The following HADHB variants were observed in gnomAD, a reference collection of about 807,000 sequenced individuals.
HADHB encodes the protein hydroxyacyl-CoA dehydrogenase trifunctional multienzyme complex subunit beta.
Under a neutral mutation model 61.9 loss-of-function variants are expected in HADHB, and 50 were observed. The observed-to-expected ratio is 0.81, with a 90% CI of 0.64 to 1.02. The LOEUF (loss-of-function observed/expected upper bound fraction) is 1.02. HADHB is among the 50% of genes least tolerant of loss of function. HADHB has a pLI of 0.00. For missense variants in HADHB, 504 were observed against 586.5 expected (o/e 0.86, Z 1.45); for synonymous variants, 191 against 201.6 (o/e 0.95, Z 0.45).
chr2:26,270,040 G>T, intron 5 of HADHB, 43 bp downstream of exon 5: 11 of 1,317,910 alleles, frequency 8.3e-6, no homozygotes, highest in Non-Finnish European at 1.2e-5. Context: ...TTCATTAAAG[G>T]CACTTTCTCC....
chr2:26,260,051 A>G (rs572407504), intron 3 of HADHB, among the ~76,000 whole-genome samples: 43 of 152,008 alleles, frequency 2.8e-4, no homozygotes, highest in African/African-American at 8.4e-4. Flanking sequence ...CTGAAAGTAT[A>G]TAAAAGGAAT....
At chr2:26,289,664 T>C in intron 15 of HADHB, among the ~76,000 whole-genome samples, 1 of 152,180 alleles carries the variant, frequency 6.6e-6, no homozygotes. Flanking sequence ...TGTATATATA[T>C]ACACACATAT....
At chr2:26,245,047 T>G (rs1671067568) in intron 1 of HADHB, 57 bp downstream of exon 1, 1 of 209,648 alleles carries the variant, frequency 4.8e-6, no homozygotes, top group Non-Finnish European at 1.0e-5. Flanking sequence ...GAGATTCCAC[T>G]TCCTTCCCCG....
Position 26,277,137 on chromosome 2 carries a change from C to T in HADHB, c.419C>T (p.Ser140Phe). The change falls in exon 7 of 16, where the codon TCT (serine) becomes TTT (phenylalanine). Residue 140 changes from serine (S) to phenylalanine (F), a missense_variant. By Grantham distance (155) the Ser-to-Phe change is radical. Transcript: ENST00000317799. ...PAHTVTMACISANQAMTTGVG... is the reference protein window; with the variant it reads ...PAHTVTMACIFANQAMTTGVG... Reference sequence around the variant, plus strand: ...CACACTGTCACCATGGCTTGTATCTCTGCCAACCAAGCCATGACCACAGGT... The same window carrying T: ...CACACTGTCACCATGGCTTGTATCTTTGCCAACCAAGCCATGACCACAGGT... 6.3e-7 allele frequency: 1 copy of T among 1,589,756 alleles called. No individual in the cohort carries two copies. Among genetic ancestry groups the T allele is most frequent in the Non-Finnish European group, 8.6e-7 (1 of 1,158,078 alleles).
chr2:26,261,203 A>C (rs1287631214), intron 3 of HADHB: 5 of 450,186 alleles, frequency 1.1e-5, no homozygotes, highest in South Asian at 8.1e-5. Flanking sequence ...CAACAACAAC[A>C]CAACAAATAC....
intron 6 of HADHB, among the ~76,000 whole-genome samples, chr2:26,274,645 T>A (rs1175585223): frequency 6.6e-6 from 1 of 152,236 alleles, no homozygotes; most frequent in Non-Finnish European, 1.5e-5. Flanking sequence ...TTTATTTCCC[T>A]TCTGAAATTT....
chr2:26,265,751 G>A (rs972661562), intron 4 of HADHB, among the ~76,000 whole-genome samples: 3 of 152,136 alleles, frequency 2.0e-5, no homozygotes, highest in Admixed American at 2.0e-4. Context: ...GTTGTGTATT[G>A]TGTTTTAGTT....
chr2:26,285,429 A>G lies in HADHB; in HGVS notation c.1247A>G (p.Lys416Arg). Residue 416 changes from lysine (K) to arginine (R), a missense_variant, in exon 15 of 16, where the codon AAG becomes AGG. By Grantham distance (26) the Lys-to-Arg change is conservative. Coordinates refer to ENST00000317799, the MANE Select transcript of HADHB (RefSeq NM_000183.3). ...CAGGTTGGATTGCCTCCTTTGGAGA[A>G]GTTTAATAACTGGGGTGGATCTCTG... ...KTKVGLPPLE[K>R]FNNWGGSLSL... is the part of the protein sequence containing the mutation. 6.2e-7 allele frequency: 1 copy of G among 1,613,852 alleles called. No individual in the cohort carries two copies. The highest frequency in any genetic ancestry group is 8.5e-7 in the Non-Finnish European group (1 of 1,179,788).
At chr2:26,252,143 G>A (rs1209129904) in intron 1 of HADHB, among the ~76,000 whole-genome samples, 3 of 152,156 alleles carry the variant, frequency 2.0e-5, no homozygotes, top group African/African-American at 7.2e-5. Context: ...TCTCATAGTG[G>A]GTGAGCTGAG....
intron 1 of HADHB, among the ~76,000 whole-genome samples, chr2:26,251,559 G>A (rs932872744): frequency 6.6e-6 from 1 of 152,128 alleles, no homozygotes; most frequent in African/African-American, 2.4e-5. Flanking sequence ...CAATTTTCAT[G>A]AATTTTATTT....
intron 4 of HADHB, among the ~76,000 whole-genome samples, chr2:26,264,709 C>A (rs1238133018): frequency 6.6e-6 from 1 of 151,598 alleles, no homozygotes; most frequent in Non-Finnish European, 1.5e-5. Flanking sequence ...TATTTTCTTA[C>A]AGAAGTAATG....
At chr2:26,253,749 A>T (rs909938591) in intron 1 of HADHB, among the ~76,000 whole-genome samples, 5 of 152,014 alleles carry the variant, frequency 3.3e-5, no homozygotes, top group Non-Finnish European at 7.4e-5. Context: ...GCTACTCGGG[A>T]GGCTGAGGCA....
intron 3 of HADHB, among the ~76,000 whole-genome samples, chr2:26,259,420 C>G (rs1279504303): frequency 6.6e-6 from 1 of 152,180 alleles, no homozygotes; most frequent in East Asian, 1.9e-4. Flanking sequence ...TCTCCCCTTC[C>G]AGGAACGTCT....
chr2:26,249,214 A>G (rs941700951), intron 1 of HADHB, among the ~76,000 whole-genome samples: 1 of 151,948 alleles, frequency 6.6e-6, no homozygotes, highest in African/African-American at 2.4e-5. Flanking sequence ...AATAACAGAA[A>G]ATTCAAATCA....
intron 4 of HADHB, among the ~76,000 whole-genome samples, chr2:26,266,983 A>T (rs1672114226): frequency 6.6e-6 from 1 of 151,868 alleles, no homozygotes; most frequent in Non-Finnish European, 1.5e-5. Context: ...AAATTTGAGG[A>T]AACTGGATTT....
At chr2:26,285,007 A>C in intron 14 of HADHB, 50 bp downstream of exon 14, 1 of 916,278 alleles carries the variant, frequency 1.1e-6, no homozygotes, top group Non-Finnish European at 1.8e-6. Flanking sequence ...CACGTTAATA[A>C]TTGGATCTTA....
chr2:26,255,389 A>C (rs566375354), intron 3 of HADHB, among the ~76,000 whole-genome samples: 1 of 151,908 alleles, frequency 6.6e-6, no homozygotes, highest in African/African-American at 2.4e-5. Context: ...AGTCCCAGCT[A>C]CTTGGGAGGC....
chr2:26,260,674 T>A, intron 3 of HADHB: 1 of 266,842 alleles, frequency 3.7e-6, no homozygotes, highest in Non-Finnish European at 7.2e-6. Context: ...AAGCTAAGGG[T>A]TTTTTGGTGT....
chr2:26,249,666 T>C (rs1225249886), intron 1 of HADHB, among the ~76,000 whole-genome samples: 1 of 151,860 alleles, frequency 6.6e-6, no homozygotes, highest in Non-Finnish European at 1.5e-5. Flanking sequence ...AGCTCTATCT[T>C]AGCCTAGCTT....
Sources: allele counts gnomAD v4.1 joint callset (sites outside exome capture counted in the v4.1 genomes callset), GRCh38; gene constraint gnomAD v4.1.1; transcripts MANE v1.5; gene names NCBI Gene and HGNC (gene_info 2026-07-23, HGNC 2026-07-21).